SESN1: variants seen among roughly 807,000 people sequenced by gnomAD.
SESN1 encodes the protein sestrin 1, also known as sestrin-1.
A neutral mutation model predicts 59.3 loss-of-function variants in SESN1; 30 were observed. The observed-to-expected ratio is 0.51, with a 90% CI of 0.38 to 0.69. SESN1 has a LOEUF of 0.69. Among genes scored for constraint, SESN1 ranks in the 30% least tolerant of loss-of-function variants. SESN1 has a pLI of 0.00. For synonymous variants in SESN1, 197 were observed against 219.9 expected, an observed-to-expected ratio of 0.90 and a Z score of 0.92; for missense variants, 566 against 673.0, an observed-to-expected ratio of 0.84 and a Z score of 1.76.
At chr6:109,044,311 C>CCAAAAAAAAAA (rs1780388697) in intron 1 of SESN1, among the ~76,000 whole-genome samples, 1 of 28,472 alleles carries the variant, frequency 3.5e-5, no homozygotes, top group African/African-American at 2.0e-4. Flanking sequence ...GAACTTGCCT[C>CCAAAAAAAAAA]AAAAAAAAAA....
chr6:109,062,909 T>C (rs1780753588), intron 1 of SESN1, among the ~76,000 whole-genome samples: 1 of 152,232 alleles, frequency 6.6e-6, no homozygotes. Context: ...TACCTCATTA[T>C]ACTGTACTGT....
intron 1 of SESN1, among the ~76,000 whole-genome samples, chr6:109,064,802 G>A (rs1477489723): frequency 1.3e-5 from 2 of 151,880 alleles, no homozygotes; most frequent in Non-Finnish European, 2.9e-5. Flanking sequence ...ACACTTTCAG[G>A]TTGGCAAAAT....
Position 109,094,526 on chromosome 6 carries a change from C to G in SESN1, c.-453G>C, listed in dbSNP as rs1028458491. 1 of 155,032 alleles carries G rather than the reference C, an allele frequency of 6.5e-6. No individual in the cohort carries two copies. Among genetic ancestry groups the G allele is most frequent in the African/African-American group, 2.4e-5 (1 of 41,512 alleles). 9.6% of individuals were successfully genotyped at this position (155,032 alleles called of 1,614,324 possible). On this transcript the variant is annotated 5_prime_UTR_variant, in exon 1 of 10. Coordinates refer to ENST00000436639, the MANE Select transcript of SESN1 (RefSeq NM_014454.3). ...GGTTCTCTCCGGCGTTCCCACCCCG[C>G]CCCTTCTCCGACACCAGTCCCCGCC... is the stretch of plus-strand genomic sequence containing the variant.
intron 1 of SESN1, among the ~76,000 whole-genome samples, chr6:109,086,904 T>G (rs930939884): frequency 1.3e-5 from 2 of 152,074 alleles, no homozygotes; most frequent in African/African-American, 4.8e-5. Context: ...GAGGCCGAGA[T>G]GGGTGGATCA....
intron 1 of SESN1, chr6:109,009,549 G>C (rs1404436026): frequency 4.0e-6 from 4 of 994,892 alleles, no homozygotes; most frequent in Non-Finnish European, 3.5e-6. Flanking sequence ...CAGTCAGCAC[G>C]GACGGCGGGG....
chr6:108,987,779 T>C (rs1268559832), intron 9 of SESN1, 149 bp from the exon 10 acceptor site: 5 of 456,756 alleles, frequency 1.1e-5, no homozygotes, highest in Non-Finnish European at 1.9e-5. Context: ...GTTGAACAGA[T>C]TATAAATTTC....
chr6:109,044,166 T>C (rs1780385037), intron 1 of SESN1, among the ~76,000 whole-genome samples: 1 of 150,614 alleles, frequency 6.6e-6, no homozygotes, highest in African/African-American at 2.4e-5. Flanking sequence ...AAAAAAAAAA[T>C]TATCCAGGCA....
At chr6:109,086,111 C>A (rs187686058) in intron 1 of SESN1, among the ~76,000 whole-genome samples, 207 of 152,298 alleles carry the variant, frequency 1.4e-3, no homozygotes, top group African/African-American at 4.8e-3. Flanking sequence ...GCAATCCCAG[C>A]ACTTTGGGAA....
rs751802608 is a variant in SESN1 at position 109,093,798 on chromosome 6, G to A, written c.276C>T (p.Ile92=). 6 of 1,612,644 alleles carry A rather than the reference G, an allele frequency of 3.7e-6. No individual in the cohort carries two copies. The highest frequency in any genetic ancestry group is 3.4e-6 in the Non-Finnish European group (4 of 1,178,954). Residue 92 remains isoleucine (I), a synonymous_variant, in exon 1 of 10, where the codon ATC becomes ATT. Coordinates refer to ENST00000436639, the MANE Select transcript of SESN1 (RefSeq NM_014454.3). ...TATTTAAAATGCTCTTCCTTACCTG[G>A]ATGCTCTTCAGAATAAACTCACTTT... ...REKSEFILKS[I]QELGIRIPRP...
chr6:109,054,730 TTA>T (rs1180934624), intron 1 of SESN1, among the ~76,000 whole-genome samples: 1 of 152,032 alleles, frequency 6.6e-6, no homozygotes, highest in Non-Finnish European at 1.5e-5. Context: ...TTGCTTTTTC[TTA>T]TGATTTTATG....
At chr6:109,053,695 C>T (rs1780580543) in intron 1 of SESN1, among the ~76,000 whole-genome samples, 1 of 152,204 alleles carries the variant, frequency 6.6e-6, no homozygotes, top group Admixed American at 6.5e-5. Context: ...TAGACGCTTT[C>T]ACTGCTTTTA....
At chr6:108,992,055 T>A (rs1055536856) in intron 7 of SESN1, among the ~76,000 whole-genome samples, 3 of 152,220 alleles carry the variant, frequency 2.0e-5, no homozygotes, top group Admixed American at 1.3e-4. Flanking sequence ...ATCTATTGCA[T>A]AATTATTCTA....
At position 108,986,200 on chromosome 6, in the gene SESN1, G is replaced by T. The variant is rs1779184060; in HGVS notation, c.*1344C>A. Among the ~76,000 whole-genome samples the T allele has an allele frequency of 2.0e-5, 3 of 152,032 alleles. No homozygotes were observed. ...TTTAGTAATTCTTAAAATTCTATTG[G>T]AACTCTAAAACAGTTGAAAAGAGAG... On this transcript the variant is annotated 3_prime_UTR_variant, in exon 10 of 10. Transcript: ENST00000436639.
chr6:109,086,004 C>T (rs1781207898), intron 1 of SESN1, among the ~76,000 whole-genome samples: 1 of 152,170 alleles, frequency 6.6e-6, no homozygotes, highest in Non-Finnish European at 1.5e-5. Context: ...TTATAAAATT[C>T]TTCATGATTA....
Position 108,987,624 on chromosome 6 carries a change from C to G in SESN1, c.1576G>C (p.Val526Leu). 6.4e-7 allele frequency: 1 copy of G among 1,570,030 alleles called. No homozygotes were observed. The highest frequency in any genetic ancestry group is 8.8e-7 in the Non-Finnish European group (1 of 1,141,706). Residue 526 changes from valine to leucine, a missense_variant, in exon 10 of 10, where the codon GTT becomes CTT. Physicochemically the swap from Val to Leu is conservative, Grantham distance 32. Coordinates refer to ENST00000436639, the MANE Select transcript of SESN1 (RefSeq NM_014454.3). ...RQFKHSEKVHVNLLLIEARMQ... is the reference protein window; with the variant it reads ...RQFKHSEKVHLNLLLIEARMQ... The stretch of plus-strand genomic sequence containing the variant: ...CTAGCTTCTATAAGAAGCAGATTAA[C>G]ATGAACCTGAATATAAAATACAACA...
At chr6:108,991,052 T>G (rs1779368898) in intron 7 of SESN1, among the ~76,000 whole-genome samples, 1 of 147,514 alleles carries the variant, frequency 6.8e-6, no homozygotes, top group Non-Finnish European at 1.5e-5. Context: ...GTTTAAAAAC[T>G]AATAGTCTCA....
At chr6:109,093,763 G>A in intron 1 of SESN1, 32 bp downstream of exon 1, 1 of 1,598,622 alleles carries the variant, frequency 6.3e-7, no homozygotes, top group Non-Finnish European at 8.5e-7. Context: ...CTGTAGTAGA[G>A]ACATAGTTGT....
At chr6:109,009,137 G>C in intron 1 of SESN1, 1 of 690,994 alleles carries the variant, frequency 1.4e-6, no homozygotes, top group African/African-American at 1.9e-5. Context: ...GACTCACGGT[G>C]CGCAGGTCTC....
intron 1 of SESN1, among the ~76,000 whole-genome samples, chr6:109,056,477 C>T (rs538752481): frequency 4.6e-5 from 7 of 152,308 alleles, no homozygotes; most frequent in South Asian, 4.1e-4. Context: ...ATTAACTCTA[C>T]GAACAGGCAA....
Sources: allele counts gnomAD v4.1 joint callset (sites outside exome capture counted in the v4.1 genomes callset), GRCh38; gene constraint gnomAD v4.1.1; transcripts MANE v1.5; gene names NCBI Gene and HGNC (gene_info 2026-07-23, HGNC 2026-07-21).